Variants in SPHKAP observed in about 807,000 individuals in gnomAD.
SPHKAP encodes the protein A-kinase anchor protein SPHKAP.
SPHKAP carries 67 observed loss-of-function variants against 137.5 expected under a neutral mutation model. The observed-to-expected ratio is 0.49, with a 90% CI of 0.40 to 0.60. The LOEUF (loss-of-function observed/expected upper bound fraction) is 0.60, where lower values mean the gene tolerates loss of function less well. Among genes scored for constraint, SPHKAP ranks in the 20% least tolerant of loss-of-function variants. The pLI is 0.00. For missense variants in SPHKAP, 2,097 were observed against 2,069.3 expected (o/e 1.01, Z -0.26); for synonymous variants, 813 against 785.3 (o/e 1.04, Z -0.59).
chr2:228,139,083 C>T (rs1381211618), intron 1 of SPHKAP, among the ~76,000 whole-genome samples: 1 of 152,088 alleles, frequency 6.6e-6, no homozygotes, highest in Non-Finnish European at 1.5e-5. Context: ...ATTTAGCTAT[C>T]CTCTAATTCA....
At chr2:228,027,382 C>A (rs1345997036) in intron 4 of SPHKAP, 102 bp downstream of exon 4, 11 of 1,204,250 alleles carry the variant, frequency 9.1e-6, no homozygotes, top group Middle Eastern at 2.0e-4. Flanking sequence ...ATGAAACTAT[C>A]TAACTAAAGA....
intron 1 of SPHKAP, among the ~76,000 whole-genome samples, chr2:228,142,136 T>C (rs1699624429): frequency 6.6e-6 from 1 of 152,234 alleles, no homozygotes; most frequent in African/African-American, 2.4e-5. Flanking sequence ...AAGGCAGTCA[T>C]ATGAAATAGT....
At chr2:228,124,873 T>C (rs1699024221) in intron 2 of SPHKAP, among the ~76,000 whole-genome samples, 1 of 152,212 alleles carries the variant, frequency 6.6e-6, no homozygotes, top group African/African-American at 2.4e-5. Flanking sequence ...AAGTGTATTT[T>C]GCAGAATAAA....
chr2:228,168,401 CAT>C lies in SPHKAP; in HGVS notation c.32+13164_32+13165del, dbSNP rs539739327. 6.6e-5 allele frequency among the ~76,000 whole-genome samples: 10 copies of C among 152,200 alleles called. No individual in the cohort carries two copies. The South Asian group carries it at 2.1e-3, about 32-fold the overall frequency. ...CTATTGGCATCATTTTTCCAAACAACATGTGTTCCCTTAATGTCTGTGTGTTA... is the reference window on the plus strand; with the variant it reads ...CTATTGGCATCATTTTTCCAAACAACGTGTTCCCTTAATGTCTGTGTGTTA... On this transcript the variant is annotated intron_variant, in intron 1 of 11. Coordinates refer to ENST00000392056, the MANE Select transcript of SPHKAP (RefSeq NM_001142644.2).
intron 3 of SPHKAP, among the ~76,000 whole-genome samples, chr2:228,097,205 G>T (rs897789183): frequency 2.6e-5 from 4 of 152,022 alleles, no homozygotes; most frequent in African/African-American, 9.7e-5. Context: ...TATAATCACA[G>T]GAATTGTATA....
At chr2:228,083,542 A>T (rs1051946763) in intron 3 of SPHKAP, among the ~76,000 whole-genome samples, 1 of 152,138 alleles carries the variant, frequency 6.6e-6, no homozygotes, top group Admixed American at 6.5e-5. Context: ...TCTAGGATCT[A>T]GAACCAGAAA....
rs1384553448 is a variant in SPHKAP, at chr2:228,019,140, C to T, written c.1714G>A (p.Gly572Ser). Residue 572 changes from glycine (G) to serine (S), a missense_variant, in exon 7 of 12, where the codon GGT becomes AGT. Transcript: ENST00000392056. ...GTCACCTCTTCTCTTTCACCCAGACCACAGACAGCCACGGCACTGGCCACC... is the reference window on the plus strand; with the variant it reads ...GTCACCTCTTCTCTTTCACCCAGACTACAGACAGCCACGGCACTGGCCACC... ...TQVASAVAVC[G>S]LGEREEVTCS... 1.2e-6 allele frequency: 2 copies of T among 1,613,732 alleles called. No individual in the cohort carries two copies. Among genetic ancestry groups the T allele is most frequent in the Non-Finnish European group, 8.5e-7 (1 of 1,180,030 alleles).
intron 3 of SPHKAP, among the ~76,000 whole-genome samples, chr2:228,089,818 T>C (rs1320621081): frequency 6.6e-6 from 1 of 152,128 alleles, no homozygotes; most frequent in African/African-American, 2.4e-5. Flanking sequence ...TTCCATGTTG[T>C]GTTAAGTCTG....
chr2:228,121,851 C>T (rs1698914654), intron 2 of SPHKAP, among the ~76,000 whole-genome samples: 1 of 152,130 alleles, frequency 6.6e-6, no homozygotes, highest in South Asian at 2.1e-4. Flanking sequence ...CCCACTTTGA[C>T]ACTGGCAGGA....
intron 1 of SPHKAP, among the ~76,000 whole-genome samples, chr2:228,160,581 T>G (rs1174267582): frequency 6.6e-6 from 1 of 152,104 alleles, no homozygotes; most frequent in East Asian, 1.9e-4. Flanking sequence ...TGGGGGGTAA[T>G]CGCCCCTATG....
At chr2:228,157,728 G>C (rs547718817) in intron 1 of SPHKAP, among the ~76,000 whole-genome samples, 2 of 152,272 alleles carry the variant, frequency 1.3e-5, no homozygotes, top group Admixed American at 6.5e-5. Flanking sequence ...CTAAGGGGTA[G>C]TACATAAGTC....
chr2:228,172,361 T>A (rs1317056608), intron 1 of SPHKAP, among the ~76,000 whole-genome samples: 2 of 152,192 alleles, frequency 1.3e-5, no homozygotes, highest in African/African-American at 4.8e-5. Flanking sequence ...TGGTATTTAT[T>A]GTTATTATCT....
rs183218173 is a variant in SPHKAP at position 228,001,578 on chromosome 2, T to A, written c.4449-5884A>T. On this transcript the variant is annotated intron_variant, in intron 7 of 11. Transcript: ENST00000392056. ...ATAAAAATATATATACACACATATA[T>A]ATTTATTATACTTTAAGTTCTAGGG... Among the ~76,000 whole-genome samples the A allele has an allele frequency of 4.2e-3, 627 of 147,578 alleles. 3 individuals are homozygous for A. The highest frequency in any genetic ancestry group is 0.013 in the African/African-American group (545 of 40,436).
At chr2:228,158,020 G>A (rs1700158930) in intron 1 of SPHKAP, among the ~76,000 whole-genome samples, 1 of 152,212 alleles carries the variant, frequency 6.6e-6, no homozygotes, top group Non-Finnish European at 1.5e-5. Flanking sequence ...CAAGCTTAAT[G>A]AAGCTCACTG....
intron 11 of SPHKAP, among the ~76,000 whole-genome samples, chr2:227,984,328 A>G (rs1385961898): frequency 2.0e-5 from 3 of 151,328 alleles, no homozygotes; most frequent in Non-Finnish European, 4.4e-5. Context: ...AGAAAGAAAG[A>G]AAAAAATTTT....
At chr2:228,046,251 G>A (rs1266044445) in intron 3 of SPHKAP, among the ~76,000 whole-genome samples, 1 of 122,414 alleles carries the variant, frequency 8.2e-6, no homozygotes, top group Non-Finnish European at 1.7e-5. Context: ...AAAAATCCGT[G>A]TTTCAAAACA....
chr2:228,004,184 C>G (rs998197338), intron 7 of SPHKAP, among the ~76,000 whole-genome samples: 1 of 152,168 alleles, frequency 6.6e-6, no homozygotes, highest in African/African-American at 2.4e-5. Context: ...GTGAATCCAT[C>G]TGGTCCTGGG....
At chr2:228,168,861 A>C (rs556456062) in intron 1 of SPHKAP, among the ~76,000 whole-genome samples, 1 of 152,174 alleles carries the variant, frequency 6.6e-6, no homozygotes, top group African/African-American at 2.4e-5. Context: ...ATGCAAAGGA[A>C]AAAGTGCTTG....
chr2:228,125,123 G>A (rs544077647), intron 2 of SPHKAP, among the ~76,000 whole-genome samples: 2 of 152,302 alleles, frequency 1.3e-5, no homozygotes, highest in Admixed American at 1.3e-4. Context: ...GACATGAAAA[G>A]AGAGGGATAT....
Sources: gnomAD v4.1 joint callset for allele counts (sites outside exome capture counted in the v4.1 genomes callset) on GRCh38, gnomAD v4.1.1 for gene constraint, MANE v1.5 for transcripts, NCBI Gene and HGNC (gene_info 2026-07-23, HGNC 2026-07-21) for gene names.